The following MON2 variants were observed in gnomAD, a reference collection of about 807,000 sequenced individuals.
MON2 encodes the protein MON2 regulator of endosome-to-Golgi trafficking, also known as protein MON2 homolog.
Under a neutral mutation model 208.6 loss-of-function variants are expected in MON2, and 84 were observed. That is an observed-to-expected ratio of 0.40 (90% CI 0.34 to 0.48). The LOEUF (loss-of-function observed/expected upper bound fraction) is 0.48, where lower values mean the gene tolerates loss of function less well. MON2 is among the 20% of genes least tolerant of loss of function. MON2 has a pLI of 0.59. For synonymous variants in MON2, 660 were observed against 694.0 expected (o/e 0.95, Z 0.77); for missense variants, 1,611 against 2,015.4 (o/e 0.80, Z 3.84).
At position 62,596,214 on chromosome 12, in the gene MON2, C is replaced by T. The variant is rs2087168054; in HGVS notation, c.*3465C>T. ...GTATATTCTTTATTAATGAGGTGGT[C>T]ATTATTACATTTGTGTCAATGAAGG... On this transcript the variant is annotated 3_prime_UTR_variant, in exon 35 of 35. Coordinates refer to ENST00000393630, the MANE Select transcript of MON2 (RefSeq NM_015026.3). 1 of 152,134 alleles carries T rather than the reference C, an allele frequency of 6.6e-6. No individual in the cohort carries two copies. Among genetic ancestry groups the T allele is most frequent in the South Asian group, 2.1e-4 (1 of 4,826 alleles). The allele number at this position is 152,134 out of a possible 1,614,324, so 9.4% of individuals were successfully genotyped here.
intron 1 of MON2, among the ~76,000 whole-genome samples, chr12:62,475,572 G>A (rs116930148): frequency 0.045 from 6,844 of 151,276 alleles, 219 homozygotes; most frequent in Non-Finnish European, 0.059. Flanking sequence ...TAGTAATTTA[G>A]TATTTTTAGT....
At chr12:62,484,788 A>AT in intron 2 of MON2, 1 of 151,940 alleles carries the variant, frequency 6.6e-6, no homozygotes, top group South Asian at 2.1e-4. Context: ...ATTGAACCTG[A>AT]TTTTCAAGGA....
At chr12:62,496,215 T>C (rs1050285890) in intron 4 of MON2, among the ~76,000 whole-genome samples, 2 of 152,040 alleles carry the variant, frequency 1.3e-5, no homozygotes, top group Non-Finnish European at 2.9e-5. Context: ...TATATATTTT[T>C]GTATATCCTT....
intron 24 of MON2, among the ~76,000 whole-genome samples, chr12:62,554,866 C>G (rs935500613): frequency 6.6e-6 from 1 of 152,078 alleles, no homozygotes; most frequent in Non-Finnish European, 1.5e-5. Flanking sequence ...GTGATCTCTG[C>G]TCACTGCAAG....
intron 1 of MON2, among the ~76,000 whole-genome samples, chr12:62,482,130 T>A (rs4763171): frequency 0.67 from 102,475 of 152,142 alleles, 34,777 homozygotes; most frequent in African/African-American, 0.77. Flanking sequence ...TCTTTGTTAC[T>A]AGGTTCTACA....
chr12:62,519,316 G>A (rs2071877916), intron 8 of MON2, among the ~76,000 whole-genome samples: 1 of 152,108 alleles, frequency 6.6e-6, no homozygotes, highest in Non-Finnish European at 1.5e-5. Context: ...TGATACTGGG[G>A]GTGGGTGGTG....
At chr12:62,568,289 C>T (rs914864422) in intron 29 of MON2, among the ~76,000 whole-genome samples, 1 of 152,104 alleles carries the variant, frequency 6.6e-6, no homozygotes, top group African/African-American at 2.4e-5. Flanking sequence ...AGACTTTATT[C>T]TTTAACCATT....
chr12:62,537,945 A>C, intron 16 of MON2, 151 bp from the exon 17 acceptor site: 1 of 691,714 alleles, frequency 1.4e-6, no homozygotes, highest in Non-Finnish European at 2.4e-6. Context: ...TTTTATATGA[A>C]TGTTAATTAG....
chr12:62,533,755 G>A (rs755323793), intron 12 of MON2, among the ~76,000 whole-genome samples: 5 of 152,054 alleles, frequency 3.3e-5, no homozygotes, highest in Non-Finnish European at 7.4e-5. Context: ...ACTTGGATAG[G>A]AAATACATAG....
At chr12:62,584,785 G>A (rs543058161) in intron 32 of MON2, among the ~76,000 whole-genome samples, 1 of 151,424 alleles carries the variant, frequency 6.6e-6, no homozygotes, top group African/African-American at 2.4e-5. Context: ...CCAGAGTGAT[G>A]GCAAAGACTA....
intron 26 of MON2, among the ~76,000 whole-genome samples, chr12:62,562,063 AT>A (rs2074218026): frequency 6.6e-6 from 1 of 152,118 alleles, no homozygotes; most frequent in South Asian, 2.1e-4. Flanking sequence ...GTGTAGGGGT[AT>A]TAGTTTTCTA....
At chr12:62,484,940 A>G (rs543755630) in intron 2 of MON2, 1 of 139,898 alleles carries the variant, frequency 7.1e-6, no homozygotes, top group Non-Finnish European at 1.5e-5. Context: ...TTTTTTAAGA[A>G]TCTGTTATAT....
rs2072264856 is a variant in MON2 at position 62,525,130 on chromosome 12, T to C, written c.1156T>C (p.Phe386Leu). The change falls in exon 10 of 35, where the codon TTT becomes CTT. Residue 386 changes from phenylalanine (F) to leucine (L), a missense_variant. Physicochemically the swap from Phe to Leu is conservative, Grantham distance 22 (BLOSUM62 0). Transcript: ENST00000393630. ...TATGAAACAGCATTCTACCAAGGTT[T>C]TTCGTGATATTGTAAATGCACTGGG... ...YDMKQHSTKV[F>L]RDIVNALGSF... The C allele has an allele frequency of 3.1e-6, 5 of 1,611,840 alleles. No individual in the cohort carries two copies. The highest frequency in any genetic ancestry group is 4.2e-6 in the Non-Finnish European group (5 of 1,178,034).
intron 24 of MON2, among the ~76,000 whole-genome samples, chr12:62,554,942 C>T (rs2073902104): frequency 6.6e-6 from 1 of 150,670 alleles, no homozygotes; most frequent in Non-Finnish European, 1.5e-5. Flanking sequence ...CTACACGCGC[C>T]CGCCACCACA....
Position 62,594,461 on chromosome 12 carries a change from T to A in MON2, c.*1712T>A, listed in dbSNP as rs1432593378. On this transcript the variant is annotated 3_prime_UTR_variant, in exon 35 of 35. Transcript: ENST00000393630. Reference sequence around the variant, plus strand: ...TTCATAAGTTCTGCTTTCAGCATTTTCCTTAAAGTTGTAAAAAATCAAGCT... The same window carrying A: ...TTCATAAGTTCTGCTTTCAGCATTTACCTTAAAGTTGTAAAAAATCAAGCT... 1 of 152,206 alleles carries A rather than the reference T, an allele frequency of 6.6e-6. No individual in the cohort carries two copies. The highest frequency in any genetic ancestry group is 1.9e-4 in the East Asian group (1 of 5,202). 9.4% of individuals were successfully genotyped at this position (152,206 alleles called of 1,614,324 possible). A position where few individuals can be genotyped will look rare whatever the true frequency, so the allele number is the denominator to read the frequency against.
At chr12:62,559,121 A>G (rs66521541) in intron 25 of MON2, among the ~76,000 whole-genome samples, 13,670 of 152,234 alleles carry the variant, frequency 0.09, 749 homozygotes, top group Non-Finnish European at 0.13. Context: ...AAGCTTTTCT[A>G]TTAACCGACT....
chr12:62,519,553 A>G (rs2071893357), intron 8 of MON2, among the ~76,000 whole-genome samples: 1 of 152,248 alleles, frequency 6.6e-6, no homozygotes, highest in South Asian at 2.1e-4. Flanking sequence ...ATAAATTTTT[A>G]TGAAAAATAA....
intron 2 of MON2, among the ~76,000 whole-genome samples, chr12:62,493,154 C>G: frequency 6.6e-6 from 1 of 152,114 alleles, no homozygotes; most frequent in East Asian, 1.9e-4. Context: ...TCTTATCCAT[C>G]TTTGTGTAGC....
intron 25 of MON2, among the ~76,000 whole-genome samples, chr12:62,557,906 T>C (rs1490336216): frequency 1.5e-5 from 2 of 132,950 alleles, no homozygotes; most frequent in Non-Finnish European, 3.1e-5. Flanking sequence ...ATATTTCTCT[T>C]AAAAGCTGAG....
Sources: allele counts gnomAD v4.1 joint callset (sites outside exome capture counted in the v4.1 genomes callset), GRCh38; gene constraint gnomAD v4.1.1; transcripts MANE v1.5; gene names NCBI Gene and HGNC (gene_info 2026-07-23, HGNC 2026-07-21).